The following DMXL2 variants were observed in gnomAD, a reference collection of about 807,000 sequenced individuals.
The protein encoded by DMXL2 is Dmx like 2, also known as dmX-like protein 2.
Under a neutral mutation model 331.1 loss-of-function variants are expected in DMXL2, and 103 were observed. That is an observed-to-expected ratio of 0.31 (90% confidence interval 0.27 to 0.37). The LOEUF is 0.37. DMXL2 is among the 10% of genes least tolerant of loss of function. The pLI is 1.00. For missense variants in DMXL2, 3,171 were observed against 3,642.9 expected (o/e 0.87, Z 3.33); for synonymous variants, 1,281 against 1,252.1 (o/e 1.02, Z -0.49).
chr15:51,564,380 A>G (rs2050144394), intron 4 of DMXL2, 120 bp from the exon 5 acceptor site: 1 of 657,894 alleles, frequency 1.5e-6, no homozygotes, highest in African/African-American at 1.9e-5. Flanking sequence ...CAATATCGCC[A>G]ACGAAAAACA....
chr15:51,461,075 TA>T (rs1259273066), intron 33 of DMXL2, among the ~76,000 whole-genome samples: 2 of 152,290 alleles, frequency 1.3e-5, no homozygotes, highest in South Asian at 4.1e-4. Context: ...TTCAATGTTT[TA>T]AAATTAAAAG....
At position 51,459,558 on chromosome 15, in the gene DMXL2, C is replaced by G. The variant is rs967930284; in HGVS notation, c.7989+40G>C. On this transcript the variant is annotated intron_variant, in intron 34 of 43. Transcript: ENST00000560891. ...AGAGATGAGGCGTTAGCTCCTTGAA[C>G]TTTAAAGAATGAGCTAAATACAAGA... 5.4e-6 allele frequency: 7 copies of G among 1,287,042 alleles called. No homozygotes were observed. In the African/African-American group the frequency reaches 1.1e-4, roughly 20 times the overall value. The allele number at this position is 1,287,042 out of a possible 1,614,324, so 79.7% of individuals were successfully genotyped here.
intron 20 of DMXL2, 107 bp downstream of exon 20, chr15:51,491,471 G>T: frequency 8.6e-7 from 1 of 1,159,088 alleles, no homozygotes; most frequent in Non-Finnish European, 1.2e-6. Flanking sequence ...AAGACCTCAA[G>T]ATAGACAAAC....
At chr15:51,561,721 T>C (rs1208780878) in intron 6 of DMXL2, among the ~76,000 whole-genome samples, 1 of 152,208 alleles carries the variant, frequency 6.6e-6, no homozygotes, top group African/African-American at 2.4e-5. Context: ...ATCAAAGGGA[T>C]AGCTACACTC....
At chr15:51,511,195 G>C (rs1484428333) in intron 15 of DMXL2, among the ~76,000 whole-genome samples, 1 of 152,186 alleles carries the variant, frequency 6.6e-6, no homozygotes, top group Non-Finnish European at 1.5e-5. Flanking sequence ...TGACAAGTGG[G>C]TTCTAATTAA....
chr15:51,559,316 G>A (rs1233633144), intron 6 of DMXL2, among the ~76,000 whole-genome samples: 2 of 152,128 alleles, frequency 1.3e-5, no homozygotes. Flanking sequence ...TTAAAAACAG[G>A]CAAGGAACTT....
chr15:51,491,286 C>T (rs886738161), intron 20 of DMXL2, among the ~76,000 whole-genome samples: 1 of 152,098 alleles, frequency 6.6e-6, no homozygotes, highest in African/African-American at 2.4e-5. Flanking sequence ...ACTAAAAATA[C>T]AAAAATTAGC....
At chr15:51,519,457 A>G (rs1204498780) in intron 13 of DMXL2, among the ~76,000 whole-genome samples, 3 of 152,016 alleles carry the variant, frequency 2.0e-5, no homozygotes, top group Non-Finnish European at 4.4e-5. Context: ...TAGTTAAAAA[A>G]TGCTAAAAAA....
At chr15:51,587,000 A>G (rs1321081503) in intron 1 of DMXL2, among the ~76,000 whole-genome samples, 3 of 150,978 alleles carry the variant, frequency 2.0e-5, no homozygotes, top group Non-Finnish European at 4.4e-5. Context: ...AAAAAAAATC[A>G]ATACTGTAAA....
At chr15:51,450,380 A>C in intron 42 of DMXL2, 34 bp from the exon 43 acceptor site, 3 of 1,602,086 alleles carry the variant, frequency 1.9e-6, no homozygotes, top group Non-Finnish European at 2.6e-6. Context: ...ATTTCTCAAA[A>C]CAATTTCTTG....
rs750086461 is a variant in DMXL2, at chr15:51,507,292, T to C, written c.2645-39A>G. 8 of 1,560,128 alleles carry C rather than the reference T, an allele frequency of 5.1e-6. No homozygotes were observed. In the African/African-American group the frequency reaches 1.1e-4, roughly 22 times the overall value. ...GAAAAGGATATTTAAATTAGTATGTTTTTATGGGGTTAAAAAAACACTTTT... is the reference window on the plus strand; with the variant it reads ...GAAAAGGATATTTAAATTAGTATGTCTTTATGGGGTTAAAAAAACACTTTT... On this transcript the variant is annotated intron_variant, in intron 15 of 43. Coordinates refer to ENST00000560891, the MANE Select transcript of DMXL2 (RefSeq NM_001378457.1).
Position 51,500,120 on chromosome 15 carries a change from GGGT to G in DMXL2, c.3101_3103del (p.Asn1034_Pro1035delinsThr). ...TTTCTCATCACTTTTATTACACTCT[GGGT>G]TGGCTTCCATACAACATTTCCAGAA... On this transcript the variant is annotated inframe_deletion, in exon 18 of 44. Coordinates refer to ENST00000560891, the MANE Select transcript of DMXL2 (RefSeq NM_001378457.1). The G allele has an allele frequency of 1.2e-6, 2 of 1,614,034 alleles. No individual in the cohort carries two copies. Among genetic ancestry groups the G allele is most frequent in the Non-Finnish European group, 8.5e-7 (1 of 1,180,010 alleles).
intron 28 of DMXL2, among the ~76,000 whole-genome samples, chr15:51,472,544 GC>G (rs796472901): frequency 9.1e-4 from 139 of 151,994 alleles, no homozygotes; most frequent in African/African-American, 3.3e-3. Context: ...CCTCCCCCTA[GC>G]CCATGGCAAC....
chr15:51,486,192 C>G lies in DMXL2; in HGVS notation c.5363G>C (p.Cys1788Ser), dbSNP rs534334222. 1 of 1,614,028 alleles carries G rather than the reference C, an allele frequency of 6.2e-7. No homozygotes were observed. Among genetic ancestry groups the G allele is most frequent in the South Asian group, 1.1e-5 (1 of 91,068 alleles). ...GCQKDGSGFSCKRLHPDPFLR... is the reference protein window; with the variant it reads ...GCQKDGSGFSSKRLHPDPFLR... ...GAAAGGATCAGGATGTAATCTTTTG[C>G]AACTGAATCCTGAGCCATCCTTTTG... Residue 1788 changes from cysteine (C) to serine (S), a missense_variant, in exon 23 of 44, where the codon TGC becomes TCC. This residue lies in a region of DMXL2 where 252 missense variants were observed against 387.4 expected (regional missense o/e 0.65). Transcript: ENST00000560891.
chr15:51,598,224 T>C (rs2052968589), intron 1 of DMXL2, among the ~76,000 whole-genome samples: 1 of 152,208 alleles, frequency 6.6e-6, no homozygotes, highest in Non-Finnish European at 1.5e-5. Context: ...ATTTATACAG[T>C]TATACAAAGT....
chr15:51,569,342 A>G (rs2050503338), intron 2 of DMXL2, among the ~76,000 whole-genome samples: 2 of 152,124 alleles, frequency 1.3e-5, no homozygotes, highest in Non-Finnish European at 2.9e-5. Context: ...AACTGGGTGG[A>G]GCCCACCACA....
chr15:51,486,129 G>A lies in DMXL2; in HGVS notation c.5426C>T (p.Thr1809Ile), dbSNP rs1216583914. 6.2e-7 allele frequency: 1 copy of A among 1,614,000 alleles called. No homozygotes were observed. Among genetic ancestry groups the A allele is most frequent in the Non-Finnish European group, 8.5e-7 (1 of 1,179,922 alleles). The stretch of plus-strand genomic sequence containing the variant: ...TTCCAGTAATGTGTCCAAGGCTCGG[G>A]TGTAATCTTTCATTACCCAATAGGC... ...SLAYWVMKDY[T>I]RALDTLLEQT... Residue 1809 changes from threonine to isoleucine, a missense_variant, in exon 23 of 44, where the codon ACC (threonine) becomes ATC (isoleucine). Thr to Ile is a moderately conservative substitution (Grantham distance 89). Coordinates refer to ENST00000560891, the MANE Select transcript of DMXL2 (RefSeq NM_001378457.1).
intron 6 of DMXL2, among the ~76,000 whole-genome samples, chr15:51,548,486 TC>T (rs2049015566): frequency 6.6e-6 from 1 of 152,148 alleles, no homozygotes; most frequent in Non-Finnish European, 1.5e-5. Flanking sequence ...CTAGTTGCTT[TC>T]CTCCAAGTAT....
chr15:51,463,276 C>G, intron 33 of DMXL2, 103 bp downstream of exon 33: 1 of 705,764 alleles, frequency 1.4e-6, no homozygotes. Context: ...GACTATTACC[C>G]AACCAGAAAG....
Sources: allele counts gnomAD v4.1 joint callset (sites outside exome capture counted in the v4.1 genomes callset), GRCh38; gene constraint gnomAD v4.1.1; regional missense constraint gnomAD v4.1.1; transcripts MANE v1.5; gene names NCBI Gene and HGNC (gene_info 2026-07-23, HGNC 2026-07-21).